The following TMPRSS7 variants were observed in gnomAD, a reference collection of about 807,000 sequenced individuals.
TMPRSS7 encodes the protein transmembrane serine protease 7, also known as transmembrane protease serine 7.
Under a neutral mutation model 95.6 loss-of-function variants are expected in TMPRSS7, and 81 were observed. The ratio of observed to expected loss-of-function variants is 0.85; its 90% CI spans 0.71 to 1.02. The LOEUF (loss-of-function observed/expected upper bound fraction) is 1.02, where lower values mean the gene tolerates loss of function less well. Ranked by LOEUF, TMPRSS7 falls within the 50% of genes least tolerant of loss-of-function variation. The pLI is 0.00. For synonymous variants in TMPRSS7, 364 were observed against 337.8 expected (o/e 1.08, Z -0.85); for missense variants, 945 against 955.2 (o/e 0.99, Z 0.14).
chr3:112,036,870 G>T (rs557626037), intron 1 of TMPRSS7, among the ~76,000 whole-genome samples: 4 of 152,068 alleles, frequency 2.6e-5, no homozygotes, highest in Non-Finnish European at 5.9e-5. Context: ...AATTTCTTAC[G>T]CCTGTCTTTA....
intron 14 of TMPRSS7, 70 bp downstream of exon 14, chr3:112,074,482 T>C: frequency 8.3e-7 from 1 of 1,202,640 alleles, no homozygotes; most frequent in Admixed American, 2.0e-5. Context: ...ATATTTTCAT[T>C]CCCTTCTTGG....
At chr3:112,057,474 C>T (rs17443548) in intron 10 of TMPRSS7, among the ~76,000 whole-genome samples, 35,349 of 151,988 alleles carry the variant, frequency 0.23, 4,285 homozygotes, top group Middle Eastern at 0.28. Context: ...ATGTTAGAGA[C>T]CATTGACCAA....
At chr3:112,035,646 A>T (rs2073145802) in intron 1 of TMPRSS7, among the ~76,000 whole-genome samples, 1 of 152,228 alleles carries the variant, frequency 6.6e-6, no homozygotes, top group African/African-American at 2.4e-5. Flanking sequence ...CTTTAAAAGA[A>T]TGTGTGGTTA....
chr3:112,040,049 C>T (rs756598556), intron 2 of TMPRSS7, among the ~76,000 whole-genome samples: 10 of 152,068 alleles, frequency 6.6e-5, no homozygotes, highest in Non-Finnish European at 1.3e-4. Context: ...CTGCCCCCAC[C>T]CCCACATTTG....
At chr3:112,051,668 CATCT>C (rs5851813) in intron 9 of TMPRSS7, among the ~76,000 whole-genome samples, 32,974 of 127,582 alleles carry the variant, frequency 0.26, 4,480 homozygotes, top group Non-Finnish European at 0.29. Flanking sequence ...ATCTATCTAT[CATCT>C]ATCTATCTAT....
At chr3:112,073,669 T>A (rs2107761797) in intron 13 of TMPRSS7, among the ~76,000 whole-genome samples, 1 of 152,008 alleles carries the variant, frequency 6.6e-6, no homozygotes, top group Non-Finnish European at 1.5e-5. Context: ...ATTGCAAAAA[T>A]TTTCTCCCAT....
intron 9 of TMPRSS7, among the ~76,000 whole-genome samples, chr3:112,055,930 G>T (rs2073427299): frequency 6.6e-6 from 1 of 152,148 alleles, no homozygotes; most frequent in Non-Finnish European, 1.5e-5. Flanking sequence ...CAGTGCTCAC[G>T]CCTATAATCC....
intron 9 of TMPRSS7, among the ~76,000 whole-genome samples, chr3:112,052,167 G>A (rs988177729): frequency 2.0e-5 from 3 of 152,070 alleles, no homozygotes; most frequent in Non-Finnish European, 2.9e-5. Flanking sequence ...AGTTGGGGGT[G>A]GGAGGTGTGA....
chr3:112,064,545 T>TCTCA (rs1424189012), intron 12 of TMPRSS7, among the ~76,000 whole-genome samples: 4,542 of 152,124 alleles, frequency 0.03, 191 homozygotes, highest in African/African-American at 0.088. Context: ...AAAGACAATG[T>TCTCA]CTTTAATAAA....
At chr3:112,056,928 C>A (rs77742478) in intron 9 of TMPRSS7, 97 bp from the exon 10 acceptor site, 16 of 774,878 alleles carry the variant, frequency 2.1e-5, no homozygotes, top group Non-Finnish European at 3.2e-5. Context: ...GGCCACAGGG[C>A]GCAAGTAGAA....
Position 112,073,314 on chromosome 3 carries a change from G to A in TMPRSS7, c.1667-982G>A, listed in dbSNP as rs184199617. The stretch of plus-strand genomic sequence containing the variant: ...TCACCATGTTGGCCACACTGATCTC[G>A]AACTCCTGACCTCAGGCAATCCACC... On this transcript the variant is annotated intron_variant, in intron 13 of 17. Coordinates refer to ENST00000452346, the Ensembl canonical transcript of TMPRSS7. 7.2e-5 allele frequency among the ~76,000 whole-genome samples: 11 copies of A among 151,796 alleles called. No homozygotes were observed. In the East Asian group the frequency reaches 1.9e-3, roughly 27 times the overall value.
At chr3:112,042,133 T>TC in intron 3 of TMPRSS7, 83 bp downstream of exon 3, 1 of 1,180,332 alleles carries the variant, frequency 8.5e-7, no homozygotes, top group East Asian at 2.6e-5. Flanking sequence ...AACACAAGTG[T>TC]CACAGGTGAG....
intron 15 of TMPRSS7, among the ~76,000 whole-genome samples, chr3:112,076,137 A>G (rs1248576660): frequency 2.6e-5 from 4 of 152,222 alleles, no homozygotes; most frequent in Non-Finnish European, 5.9e-5. Context: ...TTGGGTGTCC[A>G]TTGACACTCA....
In TMPRSS7 at chr3:112,077,042, C is replaced by T. The variant is rs185265867; in HGVS notation, c.2122C>T (p.Leu708=). 1.1e-4 allele frequency: 180 copies of T among 1,614,180 alleles called. No homozygotes were observed. In the East Asian group the frequency reaches 3.9e-3, roughly 35 times the overall value. The change falls in exon 16 of 18, where the codon CTG becomes TTG. Residue 708 remains leucine (L), a synonymous_variant. Coordinates refer to ENST00000452346, the Ensembl canonical transcript of TMPRSS7. ...GCTCAGTATTGCCTGGCCTGAGACC[C>T]TGAAACAGCTCATTCAGCCAATATG...
At chr3:112,044,186 A>G in intron 3 of TMPRSS7, 69 bp from the exon 4 acceptor site, 1 of 1,161,650 alleles carries the variant, frequency 8.6e-7, no homozygotes, top group Admixed American at 2.0e-5. Context: ...TTGGGCCTAC[A>G]ACATTTAAGA....
intron 3 of TMPRSS7, 134 bp from the exon 4 acceptor site, chr3:112,044,121 G>A: frequency 1.7e-6 from 1 of 599,268 alleles, no homozygotes; most frequent in East Asian, 2.8e-5. Flanking sequence ...GCCGGGGTGT[G>A]GAGTTAGGAG....
intron 1 of TMPRSS7, among the ~76,000 whole-genome samples, chr3:112,037,358 C>T (rs2073156784): frequency 6.6e-6 from 1 of 152,154 alleles, no homozygotes. Flanking sequence ...ATGAAACACA[C>T]CCTAGTCTCC....
chr3:112,040,384 C>T (rs1418251335), intron 2 of TMPRSS7, among the ~76,000 whole-genome samples: 3 of 152,122 alleles, frequency 2.0e-5, no homozygotes, highest in Non-Finnish European at 4.4e-5. Flanking sequence ...AGAAAGACAT[C>T]CAAATTGCCC....
chr3:112,063,988 C>T (rs1193054385), intron 12 of TMPRSS7, among the ~76,000 whole-genome samples: 1 of 152,186 alleles, frequency 6.6e-6, no homozygotes, highest in Non-Finnish European at 1.5e-5. Context: ...AGAGCAGCAG[C>T]ACATGGTTTC....
Sources: allele counts gnomAD v4.1 joint callset (sites outside exome capture counted in the v4.1 genomes callset), GRCh38; gene constraint gnomAD v4.1.1; transcripts MANE v1.5; gene names NCBI Gene and HGNC (gene_info 2026-07-23, HGNC 2026-07-21).